The following CSMD1 variants were observed in gnomAD, a reference collection of about 807,000 sequenced individuals.
The protein encoded by CSMD1 is CUB and Sushi multiple domains 1.
A neutral mutation model predicts 417.5 loss-of-function variants in CSMD1; 213 were observed. The observed-to-expected ratio is 0.51, with a 90% CI of 0.46 to 0.57. The LOEUF is 0.57. Ranked by LOEUF, CSMD1 falls within the 20% of genes least tolerant of loss-of-function variation. The probability of loss-of-function intolerance (pLI) is 0.00; values close to 1 mark genes in which losing one functional copy is unlikely to be tolerated. For missense variants in CSMD1, 6,923 were observed against 4,529.7 expected (o/e 1.53, Z -15.17); for synonymous variants, 2,862 against 1,736.8 (o/e 1.65, Z -16.11).
At chr8:4,286,848 G>A (rs954962862) in intron 3 of CSMD1, among the ~76,000 whole-genome samples, 1 of 152,186 alleles carries the variant, frequency 6.6e-6, no homozygotes, top group African/African-American at 2.4e-5. Flanking sequence ...TTGTTATTAG[G>A]AGATGTGCAC....
intron 5 of CSMD1, among the ~76,000 whole-genome samples, chr8:3,900,945 G>C (rs191393902): frequency 1.3e-5 from 2 of 152,310 alleles, no homozygotes; most frequent in Admixed American, 6.5e-5. Flanking sequence ...ATACAAGAAG[G>C]TCTATAAAGG....
chr8:4,642,063 G>C (rs770198074), intron 1 of CSMD1, among the ~76,000 whole-genome samples: 4 of 152,184 alleles, frequency 2.6e-5, no homozygotes, highest in Non-Finnish European at 4.4e-5. Context: ...GACCTACGAA[G>C]TGCCTTGCTT....
intron 1 of CSMD1, among the ~76,000 whole-genome samples, chr8:4,793,746 G>A (rs760921752): frequency 6.6e-6 from 1 of 150,620 alleles, no homozygotes; most frequent in Admixed American, 6.6e-5. Flanking sequence ...TCATTGGGAT[G>A]TGGACATTCG....
chr8:4,886,914 G>A (rs915595035), intron 1 of CSMD1, among the ~76,000 whole-genome samples: 4 of 151,698 alleles, frequency 2.6e-5, no homozygotes, highest in South Asian at 2.1e-4. Flanking sequence ...ATATTTAGTC[G>A]ATGTTACATA....
At chr8:3,259,838 T>C (rs1370449535) in intron 26 of CSMD1, among the ~76,000 whole-genome samples, 1 of 140,548 alleles carries the variant, frequency 7.1e-6, no homozygotes, top group Admixed American at 7.6e-5. Flanking sequence ...GGTTTTACAT[T>C]TTTTAAATGG....
At chr8:4,174,276 G>T (rs369698970) in intron 3 of CSMD1, among the ~76,000 whole-genome samples, 1 of 152,098 alleles carries the variant, frequency 6.6e-6, no homozygotes, top group African/African-American at 2.4e-5. Flanking sequence ...AAGAATAGAG[G>T]CTAAGTATTT....
intron 1 of CSMD1, among the ~76,000 whole-genome samples, chr8:4,933,105 A>T (rs1422283275): frequency 6.6e-6 from 1 of 152,196 alleles, no homozygotes; most frequent in Admixed American, 6.5e-5. Context: ...TAATCACCTT[A>T]CATACTTGTA....
At chr8:4,338,877 A>G (rs1185764270) in intron 3 of CSMD1, among the ~76,000 whole-genome samples, 1 of 152,158 alleles carries the variant, frequency 6.6e-6, no homozygotes, top group Non-Finnish European at 1.5e-5. Flanking sequence ...AAGGTTTAGA[A>G]GAGAACCTTT....
At chr8:3,876,780 T>C (rs763582426) in intron 5 of CSMD1, among the ~76,000 whole-genome samples, 34 of 152,142 alleles carry the variant, frequency 2.2e-4, no homozygotes, top group Non-Finnish European at 1.0e-4. Flanking sequence ...CAGCAAGTTT[T>C]TAAAAATTTT....
intron 12 of CSMD1, among the ~76,000 whole-genome samples, chr8:3,426,021 A>G (rs1813815831): frequency 6.6e-6 from 1 of 152,200 alleles, no homozygotes; most frequent in Admixed American, 6.5e-5. Context: ...AGAAAGAATT[A>G]TTTAAAAAAA....
intron 6 of CSMD1, among the ~76,000 whole-genome samples, chr8:3,743,529 T>G (rs1278262199): frequency 1.3e-5 from 2 of 151,972 alleles, no homozygotes; most frequent in Admixed American, 6.6e-5. Context: ...GAAACAAGGG[T>G]GGTTGCAGGG....
At chr8:4,510,714 C>T (rs1181684825) in intron 2 of CSMD1, among the ~76,000 whole-genome samples, 1 of 143,850 alleles carries the variant, frequency 7.0e-6, no homozygotes, top group African/African-American at 2.6e-5. Flanking sequence ...CTTCCCCTTT[C>T]CCTTCCCTTC....
rs890546877 is a variant in CSMD1, at chr8:4,316,581, C to G, written c.415+103372G>C. Among the ~76,000 whole-genome samples, 14 of 152,142 alleles carry G rather than the reference C, an allele frequency of 9.2e-5. No homozygotes were observed. In the South Asian group the frequency reaches 2.9e-3, roughly 32 times the overall value. On this transcript the variant is annotated intron_variant, in intron 3 of 69. Transcript: ENST00000635120. ...TAATAACTTTCCACTAATATTCCAT[C>G]GAGTCCTAAGACTTGGTGTAGACAT... is the stretch of plus-strand genomic sequence containing the variant.
chr8:3,563,366 A>C (rs986399595), intron 10 of CSMD1, among the ~76,000 whole-genome samples: 1 of 151,142 alleles, frequency 6.6e-6, no homozygotes, highest in African/African-American at 2.4e-5. Context: ...ATTGTATTTA[A>C]GTACGACAAA....
intron 3 of CSMD1, among the ~76,000 whole-genome samples, chr8:4,414,065 C>T (rs1326779793): frequency 1.3e-5 from 2 of 152,178 alleles, no homozygotes; most frequent in Non-Finnish European, 2.9e-5. Context: ...CTGCCAGGTG[C>T]ATCATGCATG....
intron 6 of CSMD1, among the ~76,000 whole-genome samples, chr8:3,737,604 T>A (rs1350667903): frequency 6.6e-6 from 1 of 152,156 alleles, no homozygotes; most frequent in East Asian, 1.9e-4. Flanking sequence ...TCAAGAGAGA[T>A]CACCCTCTCA....
intron 3 of CSMD1, among the ~76,000 whole-genome samples, chr8:4,305,989 C>G (rs907458743): frequency 6.6e-6 from 1 of 152,090 alleles, no homozygotes; most frequent in East Asian, 1.9e-4. Context: ...CCAGACATTA[C>G]CTTAATGGTT....
chr8:4,724,255 G>A (rs1809261740), intron 1 of CSMD1, among the ~76,000 whole-genome samples: 1 of 151,970 alleles, frequency 6.6e-6, no homozygotes, highest in African/African-American at 2.4e-5. Context: ...TTATCAGGCT[G>A]GCTAATGAAT....
intron 2 of CSMD1, among the ~76,000 whole-genome samples, chr8:4,534,410 C>G (rs17344030): frequency 0.36 from 54,772 of 152,098 alleles, 11,412 homozygotes; most frequent in Non-Finnish European, 0.46. Context: ...TTCACTCATT[C>G]ACCTTTACTC....
Sources: gnomAD v4.1 joint callset for allele counts (sites outside exome capture counted in the v4.1 genomes callset) on GRCh38, gnomAD v4.1.1 for gene constraint, MANE v1.5 for transcripts, NCBI Gene and HGNC (gene_info 2026-07-23, HGNC 2026-07-21) for gene names.